The following EME1 variants were observed in gnomAD, a reference collection of about 807,000 sequenced individuals.
The protein encoded by EME1 is essential meiotic structure-specific endonuclease 1.
Under a neutral mutation model 59.1 loss-of-function variants are expected in EME1, and 61 were observed. The observed-to-expected ratio is 1.03, with a 90% confidence interval of 0.84 to 1.28. The LOEUF (loss-of-function observed/expected upper bound fraction) is 1.28. Among genes scored for constraint, EME1 ranks in the 50% most tolerant of loss-of-function variants. The pLI is 0.00. For missense variants in EME1, 635 were observed against 682.6 expected (o/e 0.93, Z 0.78); for synonymous variants, 230 against 254.2 (o/e 0.90, Z 0.90).
chr17:50,380,561 AGATTTCCATG>A, intron 8 of EME1, 60 bp downstream of exon 8: 1 of 1,587,972 alleles, frequency 6.3e-7, no homozygotes, highest in African/African-American at 1.3e-5. Flanking sequence ...GTGGGCCCCC[AGATTTCCATG>A]GACAACTGTT....
chr17:50,374,453 G>C (rs958010078), intron 1 of EME1, among the ~76,000 whole-genome samples: 4 of 152,200 alleles, frequency 2.6e-5, no homozygotes, highest in Admixed American at 2.6e-4. Flanking sequence ...TGCCCAGGCT[G>C]TTCTCGAACT....
In EME1 at chr17:50,376,152, C is replaced by T. The variant is rs752332303; in HGVS notation, c.862C>T (p.Pro288Ser). The T allele has an allele frequency of 6.2e-7, 1 of 1,613,916 alleles. No individual in the cohort carries two copies. The highest frequency in any genetic ancestry group is 8.5e-7 in the Non-Finnish European group (1 of 1,180,010). Residue 288 changes from proline to serine, a missense_variant, in exon 3 of 9, where the codon CCT becomes TCT. Physicochemically the swap from Pro to Ser is moderately conservative, Grantham distance 74. Transcript: ENST00000338165. ...CTGTGTGATTGAGGCGCAGGCTGTG[C>T]CTTGCAGTGTCACTTGGAGGAGAAG... ...CRCVIEAQAV[P>S]CSVTWRRRAG...
intron 1 of EME1, 106 bp downstream of exon 1, chr17:50,373,383 C>A: frequency 1.6e-6 from 1 of 635,524 alleles, no homozygotes; most frequent in Non-Finnish European, 2.7e-6. Context: ...CTGCAGCGGA[C>A]CGCCAGCCTG....
At chr17:50,380,276 T>C (rs1362381899) in intron 7 of EME1, 36 bp from the exon 8 acceptor site, 6 of 1,561,640 alleles carry the variant, frequency 3.8e-6, no homozygotes, top group Non-Finnish European at 5.2e-6. Context: ...AGAAGAGTAA[T>C]GAGCAACTTA....
rs1189172306 is a variant in EME1, at chr17:50,380,356, A to T, written c.1391A>T (p.Asp464Val). The T allele has an allele frequency of 3.1e-6, 5 of 1,613,704 alleles. No individual in the cohort carries two copies. Among genetic ancestry groups the T allele is most frequent in the Non-Finnish European group, 1.7e-6 (2 of 1,179,802 alleles). ...ETTFSFCLES[D>V]WAGGVKVDLA... ...ACCTTCTCCTTCTGTCTGGAGAGTG[A>T]CTGGGCTGGAGGGGTGAAGGTGGAC... The change falls in exon 8 of 9, where the codon GAC (aspartate) becomes GTC (valine). Residue 464 changes from aspartate (D) to valine (V), a missense_variant. Asp to Val is a radical substitution (Grantham distance 152). Transcript: ENST00000338165.
rs781758737 is a variant in EME1 at position 50,380,512 on chromosome 17, C to G, written c.1536+11C>G. On this transcript the variant is annotated intron_variant, in intron 8 of 8. Transcript: ENST00000338165. ...CAGCTCCTGGTACAGGTATGCTGCT[C>G]CAGGGCTCAGGGGTCACTGCCCATT... 2.5e-6 allele frequency: 4 copies of G among 1,612,298 alleles called. No individual in the cohort carries two copies. The highest frequency in any genetic ancestry group is 2.5e-6 in the Non-Finnish European group (3 of 1,179,420).
intron 8 of EME1, 25 bp from the exon 9 acceptor site, chr17:50,380,738 T>C: frequency 6.2e-7 from 1 of 1,613,246 alleles, no homozygotes; most frequent in Non-Finnish European, 8.5e-7. Flanking sequence ...TGGTACCATA[T>C]TAAGAGGTCA....
rs1913434955 is a variant in EME1 at position 50,375,876 on chromosome 17, A to G, written c.668A>G (p.Glu223Gly). 6.2e-7 allele frequency: 1 copy of G among 1,614,068 alleles called. No homozygotes were observed. The highest frequency in any genetic ancestry group is 1.7e-5 in the Admixed American group (1 of 59,994). ...CRQQRQARQK[E>G]STLRRQERKN... The stretch of plus-strand genomic sequence containing the variant: ...CAGCAGAGACAAGCAAGGCAGAAGG[A>G]AAGCACCCTGAGAAGACAGGAAAGA... The change falls in exon 2 of 9, where the codon GAA (glutamate) becomes GGA (glycine). Residue 223 changes from glutamate (E) to glycine (G), a missense_variant. Transcript: ENST00000338165.
chr17:50,378,009 A>G (rs1285384886), intron 3 of EME1, among the ~76,000 whole-genome samples: 1 of 151,312 alleles, frequency 6.6e-6, no homozygotes, highest in Non-Finnish European at 1.5e-5. Flanking sequence ...CCGCCCGCCT[A>G]GGCCTCCCAA....
intron 3 of EME1, 27 bp from the exon 4 acceptor site, chr17:50,378,568 T>G: frequency 6.2e-7 from 1 of 1,612,264 alleles, no homozygotes; most frequent in Admixed American, 1.7e-5. Context: ...CCTCCCTCCC[T>G]GTGCTGTGTT....
At chr17:50,380,039 C>G (rs1913713650) in intron 7 of EME1, 3 of 396,484 alleles carry the variant, frequency 7.6e-6, no homozygotes, top group East Asian at 5.1e-5. Flanking sequence ...GTTAGAAGAA[C>G]CAGAAATAGA....
Position 50,375,199 on chromosome 17 carries a change from G to C in EME1, c.-10G>C. 6.2e-7 allele frequency: 1 copy of C among 1,611,724 alleles called. No individual in the cohort carries two copies. Among genetic ancestry groups the C allele is most frequent in the Non-Finnish European group, 8.5e-7 (1 of 1,179,100 alleles). ...TTTCCTTTTAGGGAATTATTTGATA[G>C]CACATACTGATGGCTCTAAAGAAGT... is the stretch of plus-strand genomic sequence containing the variant. On this transcript the variant is annotated 5_prime_UTR_variant, in exon 2 of 9. Coordinates refer to ENST00000338165, the MANE Select transcript of EME1 (RefSeq NM_152463.4).
At chr17:50,379,688 G>A (rs1263570651) in intron 7 of EME1, 121 bp downstream of exon 7, 2 of 824,924 alleles carry the variant, frequency 2.4e-6, no homozygotes, top group East Asian at 5.4e-5. Flanking sequence ...TCTCAAGCTT[G>A]AGGCAGAAGG....
At chr17:50,375,126 A>G in intron 1 of EME1, 59 bp from the exon 2 acceptor site, 1 of 1,365,786 alleles carries the variant, frequency 7.3e-7, no homozygotes, top group South Asian at 1.4e-5. Flanking sequence ...GCTATGGAAC[A>G]CAGCTAGTGG....
At chr17:50,379,669 C>A in intron 7 of EME1, 102 bp downstream of exon 7, 1 of 992,154 alleles carries the variant, frequency 1.0e-6, no homozygotes, top group Non-Finnish European at 1.5e-6. Flanking sequence ...CTGCAGTCAG[C>A]CCATTGTCTC....
At chr17:50,378,980 T>C in intron 5 of EME1, 85 bp downstream of exon 5, 1 of 1,611,246 alleles carries the variant, frequency 6.2e-7, no homozygotes, top group East Asian at 2.2e-5. Context: ...ATTGCAGATG[T>C]AGGTCACTCT....
At chr17:50,380,690 A>G in intron 8 of EME1, 73 bp from the exon 9 acceptor site, 1 of 1,597,088 alleles carries the variant, frequency 6.3e-7, no homozygotes, top group African/African-American at 1.3e-5. Context: ...AGCCAAGCGT[A>G]GCACCCTCCA....
rs1231279406 is a variant in EME1, at chr17:50,378,819, T to A, written c.1036T>A (p.Phe346Ile). Reference sequence around the variant, plus strand: ...GAAAGGGAAGGAAACGCTTCAGGGCTTTGTAACTGACATCACAGCAAAGAC... The same window carrying A: ...GAAAGGGAAGGAAACGCTTCAGGGCATTGTAACTGACATCACAGCAAAGAC... ...TMKGKETLQG[F>I]VTDITAKTAG... is the part of the protein sequence containing the mutation. The change falls in exon 5 of 9, where the codon TTT (phenylalanine) becomes ATT (isoleucine). Residue 346 changes from phenylalanine (F) to isoleucine (I), a missense_variant. Transcript: ENST00000338165. 6.2e-7 allele frequency: 1 copy of A among 1,614,172 alleles called. No homozygotes were observed. The highest frequency in any genetic ancestry group is 1.1e-5 in the South Asian group (1 of 91,084).
In EME1 at chr17:50,373,291, G is replaced by C. The variant is rs1913256308; in HGVS notation, c.-25+14G>C. On this transcript the variant is annotated intron_variant, in intron 1 of 8. Coordinates refer to ENST00000338165, the MANE Select transcript of EME1 (RefSeq NM_152463.4). The stretch of plus-strand genomic sequence containing the variant: ...GAGAAGTTGCAGGTGAGCGTCCCCG[G>C]TCGCAGGCCTGCGGATTGGGCAGGG... 8 of 1,399,898 alleles carry C rather than the reference G, an allele frequency of 5.7e-6. No individual in the cohort carries two copies. The highest frequency in any genetic ancestry group is 7.9e-6 in the Non-Finnish European group (8 of 1,017,344). 86.7% of individuals were successfully genotyped at this position (1,399,898 alleles called of 1,614,324 possible).
Sources: gnomAD v4.1 joint callset for allele counts (sites outside exome capture counted in the v4.1 genomes callset) on GRCh38, gnomAD v4.1.1 for gene constraint, MANE v1.5 for transcripts, NCBI Gene and HGNC (gene_info 2026-07-23, HGNC 2026-07-21) for gene names.